SIK3: variants seen among roughly 807,000 people sequenced by gnomAD.
SIK3 encodes the protein SIK family kinase 3.
Under a neutral mutation model 144.2 loss-of-function variants are expected in SIK3, and 28 were observed. The observed-to-expected ratio is 0.19, with a 90% CI of 0.14 to 0.27. The LOEUF (loss-of-function observed/expected upper bound fraction) is 0.27, where lower values mean the gene tolerates loss of function less well. SIK3 is among the 10% of genes least tolerant of loss of function. The pLI is 1.00. For missense variants in SIK3, 1,319 were observed against 1,776.0 expected, an observed-to-expected ratio of 0.74 and a Z score of 4.62; for synonymous variants, 686 against 676.3, an observed-to-expected ratio of 1.01 and a Z score of -0.22.
intron 1 of SIK3, among the ~76,000 whole-genome samples, chr11:116,966,878 G>A (rs2135445985): frequency 6.6e-6 from 1 of 151,630 alleles, no homozygotes; most frequent in East Asian, 1.9e-4. Flanking sequence ...GGTGGCGTGG[G>A]CCTGTAGCCC....
intron 1 of SIK3, among the ~76,000 whole-genome samples, chr11:116,993,981 A>T (rs1447684928): frequency 6.6e-6 from 1 of 152,226 alleles, no homozygotes; most frequent in African/African-American, 2.4e-5. Flanking sequence ...GTATTCTTTC[A>T]GAGAGCTTTT....
intron 2 of SIK3, among the ~76,000 whole-genome samples, chr11:116,956,182 C>T (rs1949130866): frequency 1.3e-5 from 2 of 152,246 alleles, no homozygotes; most frequent in East Asian, 1.9e-4. Context: ...GAAGCCCCAC[C>T]TCTCCCAAAA....
chr11:116,926,726 T>C (rs112701434), intron 4 of SIK3, among the ~76,000 whole-genome samples: 4,957 of 152,266 alleles, frequency 0.033, 130 homozygotes, highest in Middle Eastern at 0.051. Context: ...TGATACTACA[T>C]TAAAAATAAA....
chr11:117,032,173 T>C (rs573978752), intron 1 of SIK3, among the ~76,000 whole-genome samples: 7 of 152,174 alleles, frequency 4.6e-5, no homozygotes, highest in Non-Finnish European at 8.8e-5. Context: ...CTACACACAA[T>C]TGATAATAAT....
intron 1 of SIK3, among the ~76,000 whole-genome samples, chr11:117,092,736 A>G (rs1375378851): frequency 6.6e-6 from 1 of 152,224 alleles, no homozygotes; most frequent in Non-Finnish European, 1.5e-5. Context: ...TTACAGTTAC[A>G]GTGGCTCTGG....
intron 4 of SIK3, among the ~76,000 whole-genome samples, chr11:116,920,885 C>T (rs149956334): frequency 6.6e-6 from 1 of 152,186 alleles, no homozygotes. Context: ...CTTCTATCAT[C>T]CTCTGAACTC....
At chr11:116,876,768 A>G (rs1201263996) in intron 7 of SIK3, among the ~76,000 whole-genome samples, 156 bp downstream of exon 7, 2 of 152,252 alleles carry the variant, frequency 1.3e-5, no homozygotes, top group Non-Finnish European at 2.9e-5. Flanking sequence ...AACTGGTTTT[A>G]CATTCCTTCT....
intron 2 of SIK3, among the ~76,000 whole-genome samples, chr11:116,955,626 T>C (rs1349094196): frequency 2.6e-5 from 4 of 152,112 alleles, no homozygotes; most frequent in Non-Finnish European, 5.9e-5. Flanking sequence ...TATTTAAAGA[T>C]GATTTATTTT....
chr11:116,885,513 T>C (rs1944765631), intron 6 of SIK3, among the ~76,000 whole-genome samples: 1 of 152,330 alleles, frequency 6.6e-6, no homozygotes, highest in Admixed American at 6.5e-5. Context: ...GATCCTGGCT[T>C]GCTATACTGT....
At chr11:116,936,652 G>C (rs12294657) in intron 3 of SIK3, among the ~76,000 whole-genome samples, 11,092 of 152,180 alleles carry the variant, frequency 0.073, 497 homozygotes, top group African/African-American at 0.11. Flanking sequence ...TACATTTAAA[G>C]AGTATGCCTC....
Position 116,844,614 on chromosome 11 carries a change from A to AT in SIK3, c.*1028dup. ...TATATATTTTATATATATATTATAT[A>AT]TATAATATATATATAATATATTATA... On this transcript the variant is annotated 3_prime_UTR_variant, in exon 25 of 25. Transcript: ENST00000445177. 2.4e-5 allele frequency: 1 copy of AT among 41,434 alleles called. No individual in the cohort carries two copies. Among genetic ancestry groups the AT allele is most frequent in the African/African-American group, 1.8e-4 (1 of 5,574 alleles). The allele number at this position is 41,434 out of a possible 1,614,324, so 2.6% of individuals were successfully genotyped here.
chr11:116,917,966 A>G (rs1165877557), intron 4 of SIK3, among the ~76,000 whole-genome samples: 5 of 152,216 alleles, frequency 3.3e-5, no homozygotes, highest in African/African-American at 1.2e-4. Flanking sequence ...CTGCAGCTTC[A>G]ATAAAATGCC....
rs374668712 is a variant in SIK3, at chr11:116,847,575, C to A, written c.3853G>T (p.Val1285Leu). The A allele has an allele frequency of 1.9e-6, 3 of 1,614,174 alleles. No individual in the cohort carries two copies. Among genetic ancestry groups the A allele is most frequent in the Non-Finnish European group, 1.7e-6 (2 of 1,180,034 alleles). The change falls in exon 23 of 25, where the codon GTG becomes TTG. Residue 1285 changes from valine (V) to leucine (L), a missense_variant. Physicochemically the swap from Val to Leu is conservative, Grantham distance 32. This residue lies in a region of SIK3 where 646 missense variants were observed against 763.7 expected (regional missense o/e 0.85). Coordinates refer to ENST00000445177, the MANE Select transcript of SIK3 (RefSeq NM_001366686.3). ...QLDNLPGMSL[V>L]AGKALSSARM... ...GCAGAGCTAAGTGCTTTCCCAGCCA[C>A]GAGACTCATTCCTGGCAAGTTATCC...
At chr11:117,049,559 C>A (rs1361692937) in intron 1 of SIK3, among the ~76,000 whole-genome samples, 1 of 151,526 alleles carries the variant, frequency 6.6e-6, no homozygotes, top group Non-Finnish European at 1.5e-5. Flanking sequence ...GCCTAGGTGA[C>A]ACAGCAAGGC....
At chr11:116,955,874 C>T (rs1949119225) in intron 2 of SIK3, among the ~76,000 whole-genome samples, 2 of 151,782 alleles carry the variant, frequency 1.3e-5, no homozygotes, top group African/African-American at 2.4e-5. Context: ...AGAGCTCTAA[C>T]GCTGTAGTTT....
At chr11:116,875,845 G>A in intron 9 of SIK3, 21 bp downstream of exon 9, 1 of 1,592,532 alleles carries the variant, frequency 6.3e-7, no homozygotes, top group Non-Finnish European at 8.5e-7. Flanking sequence ...CCTGAACTAG[G>A]TCACTGGAGT....
chr11:116,889,765 C>T lies in SIK3; in HGVS notation c.865+6488G>A, dbSNP rs548045122. ...TACAAAAATTAGGTGGGCGTGGTGG[C>T]GTGCGCCTGTAGACCAAGCTACTCA... is the stretch of plus-strand genomic sequence containing the variant. On this transcript the variant is annotated intron_variant, in intron 6 of 24. Transcript: ENST00000445177. Among the ~76,000 whole-genome samples, 321 of 152,126 alleles carry T rather than the reference C, an allele frequency of 2.1e-3. 3 individuals carry two copies. The highest frequency in any genetic ancestry group is 6.8e-3 in the African/African-American group (283 of 41,494).
chr11:117,042,416 T>C (rs1024018803), intron 1 of SIK3, among the ~76,000 whole-genome samples: 2 of 152,202 alleles, frequency 1.3e-5, no homozygotes, highest in African/African-American at 4.8e-5. Flanking sequence ...CATCTACATG[T>C]GTCTGGTTCT....
At chr11:116,882,159 T>C (rs904965971) in intron 6 of SIK3, among the ~76,000 whole-genome samples, 1 of 151,914 alleles carries the variant, frequency 6.6e-6, no homozygotes, top group African/African-American at 2.4e-5. Context: ...GCCAGGCAAA[T>C]AGATGGTGCA....
Sources: allele counts gnomAD v4.1 joint callset (sites outside exome capture counted in the v4.1 genomes callset), GRCh38; gene constraint gnomAD v4.1.1; regional missense constraint gnomAD v4.1.1; transcripts MANE v1.5; gene names NCBI Gene and HGNC (gene_info 2026-07-23, HGNC 2026-07-21).